NRK: variants seen among roughly 807,000 people sequenced by gnomAD.
The protein encoded by NRK is Nik related kinase.
NRK carries 67 observed loss-of-function variants against 125.2 expected under a neutral mutation model. The ratio of observed to expected loss-of-function variants is 0.54; its 90% CI spans 0.44 to 0.66. The LOEUF (loss-of-function observed/expected upper bound fraction) is 0.66, where lower values mean the gene tolerates loss of function less well. NRK is among the 30% of genes least tolerant of loss of function. The pLI, the probability that NRK is intolerant of heterozygous loss-of-function variation, is 0.00. For synonymous variants in NRK, 458 were observed against 429.0 expected (o/e 1.07, Z -0.84); for missense variants, 1,224 against 1,192.9 (o/e 1.03, Z -0.38).
At position 105,924,862 on chromosome X, in the gene NRK, C is replaced by G. The variant is rs373277999; in HGVS notation, c.3143C>G (p.Ala1048Gly). The G allele has an allele frequency of 1.4e-5, 17 of 1,209,022 alleles. No individual in the cohort carries two copies. In the African/African-American group the frequency reaches 2.5e-4, roughly 17 times the overall value. ...ATTGGAGATCAGGAAGAACATGCAGCCAATATAGGCAGTGAAAGAAGAGGC... is the reference window on the plus strand; with the variant it reads ...ATTGGAGATCAGGAAGAACATGCAGGCAATATAGGCAGTGAAAGAAGAGGC... ...AAIGDQEEHA[A>G]NIGSERRGSE... The change falls in exon 19 of 29, where the codon GCC (alanine) becomes GGC (glycine). Residue 1048 changes from alanine to glycine, a missense_variant. Ala to Gly is a moderately conservative substitution (Grantham distance 60). Transcript: ENST00000243300.
At chrX:105,894,080 CA>C in intron 6 of NRK, 138 bp downstream of exon 6, 1 of 392,819 alleles carries the variant, frequency 2.5e-6, no homozygotes, top group Admixed American at 4.9e-5. Flanking sequence ...CTGAAAAGGC[CA>C]AAAAGCTTTT....
At chrX:105,872,356 A>G (rs1158025693) in intron 2 of NRK, among the ~76,000 whole-genome samples, 1 of 111,902 alleles carries the variant, frequency 8.9e-6, no homozygotes, top group East Asian at 2.8e-4. Flanking sequence ...ACATCTAAAC[A>G]TCATTGATTT....
intron 2 of NRK, among the ~76,000 whole-genome samples, chrX:105,863,766 A>G (rs1421611587): frequency 1.8e-5 from 2 of 112,089 alleles, no homozygotes; most frequent in Non-Finnish European, 3.8e-5. Context: ...GAGCCTGACA[A>G]TCTCAGAATT....
At chrX:105,950,526 C>CTGTG (rs1366344694) in intron 27 of NRK, among the ~76,000 whole-genome samples, 1 of 51,954 alleles carries the variant, frequency 1.9e-5, no homozygotes, top group Non-Finnish European at 3.5e-5. Context: ...AAAAAGGCAG[C>CTGTG]AGTGTGTGTG....
chrX:105,886,525 CGT>C (rs1040888895), intron 4 of NRK, among the ~76,000 whole-genome samples: 2 of 98,651 alleles, frequency 2.0e-5, no homozygotes, highest in Admixed American at 1.2e-4. Context: ...TATATATATA[CGT>C]GTGTGTGTAT....
At chrX:105,848,885 C>T (rs1341539379) in intron 2 of NRK, among the ~76,000 whole-genome samples, 1 of 112,068 alleles carries the variant, frequency 8.9e-6, no homozygotes, top group Non-Finnish European at 1.9e-5. Flanking sequence ...AATCTGTTTC[C>T]ACCATTCTTA....
At chrX:105,940,827 T>C (rs1219352114) in intron 23 of NRK, among the ~76,000 whole-genome samples, 1 of 111,629 alleles carries the variant, frequency 9.0e-6, no homozygotes, top group African/African-American at 3.3e-5. Flanking sequence ...GTGGCATAGG[T>C]GAGAAATAGC....
intron 26 of NRK, chrX:105,948,625 C>T (rs1464230092): frequency 1.0e-5 from 5 of 482,499 alleles, no homozygotes; most frequent in Admixed American, 9.8e-5. Context: ...TCTTTTTTTT[C>T]TGATTCAATT....
At chrX:105,828,779 A>G (rs779029037) in intron 1 of NRK, among the ~76,000 whole-genome samples, 1 of 111,974 alleles carries the variant, frequency 8.9e-6, no homozygotes, top group African/African-American at 3.2e-5. Flanking sequence ...TCTTTCAATG[A>G]GTTATAACAA....
At chrX:105,840,634 A>C (rs145153056) in intron 2 of NRK, among the ~76,000 whole-genome samples, 15 of 110,892 alleles carry the variant, frequency 1.4e-4, no homozygotes, top group African/African-American at 4.9e-4. Flanking sequence ...GGCATACAAA[A>C]TTGCCTGATT....
chrX:105,908,212 A>C lies in NRK; in HGVS notation c.1022-28A>C, dbSNP rs371144539. The C allele has an allele frequency of 5.6e-5, 51 of 910,151 alleles. No homozygotes were observed. In the African/African-American group the frequency reaches 8.5e-4, roughly 15 times the overall value. 75.0% of individuals were successfully genotyped at this position (910,151 alleles called of 1,213,427 possible). A position where few individuals can be genotyped will look rare whatever the true frequency, so the allele number is the denominator to read the frequency against. On this transcript the variant is annotated intron_variant, in intron 11 of 28. Transcript: ENST00000243300. ...ATGCTTATCTGCTGACTGTTTATGC[A>C]TTATGTTTTTCTCTTTTGTAAAAAA...
chrX:105,952,869 C>T, intron 27 of NRK, among the ~76,000 whole-genome samples, 165 bp from the exon 28 acceptor site: 1 of 112,124 alleles, frequency 8.9e-6, no homozygotes, highest in Middle Eastern at 4.6e-3. Context: ...CACTCTTGAG[C>T]AGCAAAATGG....
At chrX:105,865,195 G>A (rs1277079055) in intron 2 of NRK, among the ~76,000 whole-genome samples, 2 of 111,453 alleles carry the variant, frequency 1.8e-5, no homozygotes, top group East Asian at 2.9e-4. Context: ...TCCTAAGCCC[G>A]CACCTGGGGT....
intron 19 of NRK, among the ~76,000 whole-genome samples, chrX:105,933,186 A>ATCTG (rs2040618391): frequency 9.2e-6 from 1 of 109,257 alleles, no homozygotes; most frequent in Non-Finnish European, 1.9e-5. Flanking sequence ...CTATCTATCT[A>ATCTG]TCTATCTATC....
At chrX:105,848,330 C>G (rs1029943380) in intron 2 of NRK, among the ~76,000 whole-genome samples, 3 of 111,733 alleles carry the variant, frequency 2.7e-5, no homozygotes, top group African/African-American at 9.7e-5. Flanking sequence ...CAGGTATTAC[C>G]TAATACTCTA....
chrX:105,845,369 A>G (rs2039387116), intron 2 of NRK, among the ~76,000 whole-genome samples: 1 of 111,335 alleles, frequency 9.0e-6, no homozygotes, highest in Non-Finnish European at 1.9e-5. Flanking sequence ...ATGACCAGAT[A>G]GAGGGGTGAA....
At chrX:105,893,221 A>G (rs777123767) in intron 5 of NRK, among the ~76,000 whole-genome samples, 3 of 112,093 alleles carry the variant, frequency 2.7e-5, no homozygotes, top group Admixed American at 1.9e-4. Flanking sequence ...CTTAGTAGCA[A>G]TCCCATTTGG....
Position 105,925,048 on chromosome X carries a change from A to C in NRK, c.3312+17A>C. Reference sequence around the variant, plus strand: ...CTACAGGAGGTAATGCACCATTTGAAAAGCAGATTGAACTCCTCTCATTGC... The same window carrying C: ...CTACAGGAGGTAATGCACCATTTGACAAGCAGATTGAACTCCTCTCATTGC... On this transcript the variant is annotated intron_variant, in intron 19 of 28. Coordinates refer to ENST00000243300, the MANE Select transcript of NRK (RefSeq NM_198465.4). 4.5e-6 allele frequency: 5 copies of C among 1,113,261 alleles called. No homozygotes were observed. Among genetic ancestry groups the C allele is most frequent in the Non-Finnish European group, 6.1e-6 (5 of 813,863 alleles). 91.7% of individuals were successfully genotyped at this position (1,113,261 alleles called of 1,213,427 possible). A position where few individuals can be genotyped will look rare whatever the true frequency, so the allele number is the denominator to read the frequency against.
intron 11 of NRK, chrX:105,907,552 A>C (rs1429371465): frequency 8.0e-5 from 9 of 111,947 alleles, no homozygotes; most frequent in African/African-American, 2.9e-4. Flanking sequence ...TACAGAGGCC[A>C]GCCAGTTTCA....
Sources: gnomAD v4.1 joint callset for allele counts (sites outside exome capture counted in the v4.1 genomes callset) on GRCh38, gnomAD v4.1.1 for gene constraint, MANE v1.5 for transcripts, NCBI Gene and HGNC (gene_info 2026-07-23, HGNC 2026-07-21) for gene names.